The following FARP1 variants were observed in gnomAD, a reference collection of about 807,000 sequenced individuals.
The protein encoded by FARP1 is FERM, ARHGEF and pleckstrin domain-containing protein 1.
FARP1 carries 52 observed loss-of-function variants against 128.8 expected under a neutral mutation model. The observed-to-expected ratio is 0.40, with a 90% confidence interval of 0.32 to 0.51. The LOEUF (loss-of-function observed/expected upper bound fraction) is 0.51, where lower values mean the gene tolerates loss of function less well. FARP1 is among the 20% of genes least tolerant of loss of function. The probability of loss-of-function intolerance (pLI) is 0.45; values close to 1 mark genes in which losing one functional copy is unlikely to be tolerated. For missense variants in FARP1, 1,333 were observed against 1,367.9 expected (o/e 0.97, Z 0.40); for synonymous variants, 580 against 551.8 (o/e 1.05, Z -0.72).
At position 98,241,359 on chromosome 13, in the gene FARP1, TGGGCAA is replaced by T. The variant is rs201321607; in HGVS notation, c.171+27949_171+27954del. Among the ~76,000 whole-genome samples the T allele has an allele frequency of 5.8e-3, 881 of 152,156 alleles. 31 individuals are homozygous for T. The highest frequency in any genetic ancestry group is 0.054 in the Admixed American group (829 of 15,286). ...TCCAGGGGAGTGTGGGGCATTTTGA[TGGGCAA>T]GGCCCTTAAATACGGCATGTTGCAC... is the stretch of plus-strand genomic sequence containing the variant. On this transcript the variant is annotated intron_variant, in intron 2 of 26. Coordinates refer to ENST00000319562, the MANE Select transcript of FARP1 (RefSeq NM_005766.4).
At chr13:98,386,185 T>TC (rs1452107608) in intron 8 of FARP1, among the ~76,000 whole-genome samples, 2 of 132,148 alleles carry the variant, frequency 1.5e-5, no homozygotes, top group South Asian at 5.0e-4. Flanking sequence ...TGTAATGTGA[T>TC]CCTTTTTTTT....
At chr13:98,274,839 C>T (rs1181921055) in intron 2 of FARP1, among the ~76,000 whole-genome samples, 1 of 152,162 alleles carries the variant, frequency 6.6e-6, no homozygotes, top group Non-Finnish European at 1.5e-5. Flanking sequence ...TGAAAACCTC[C>T]TTTAATATGT....
intron 2 of FARP1, among the ~76,000 whole-genome samples, chr13:98,214,893 CT>C (rs1325181055): frequency 3.3e-5 from 5 of 152,178 alleles, no homozygotes; most frequent in Non-Finnish European, 7.3e-5. Context: ...ACCTCACCCA[CT>C]TTTTTGTCTT....
At chr13:98,330,109 T>C (rs558892371) in intron 2 of FARP1, 91 of 152,232 alleles carry the variant, frequency 6.0e-4, no homozygotes, top group Middle Eastern at 3.4e-3. Context: ...GGGGACAGAG[T>C]GTTCCAGCCT....
chr13:98,289,011 GGAT>G (rs1270122358), intron 2 of FARP1, among the ~76,000 whole-genome samples: 1 of 150,498 alleles, frequency 6.6e-6, no homozygotes, highest in Non-Finnish European at 1.5e-5. Context: ...CGACTCAGTG[GGAT>G]GATATTTTCT....
intron 2 of FARP1, among the ~76,000 whole-genome samples, chr13:98,227,086 G>C (rs1815389): frequency 0.29 from 43,785 of 151,770 alleles, 8,424 homozygotes; most frequent in East Asian, 0.74. Context: ...GACTACAGGC[G>C]CCCGCCACCA....
intron 6 of FARP1, chr13:98,384,033 G>A (rs1240569485): frequency 6.6e-6 from 1 of 152,168 alleles, no homozygotes; most frequent in Non-Finnish European, 1.5e-5. Context: ...TCACTTTGAT[G>A]TTTATAAAGT....
At position 98,343,762 on chromosome 13, in the gene FARP1, C is replaced by T; in HGVS notation, c.172C>T (p.Gln58Ter). Reference protein sequence around the residue: ...DDTQEAFEVPQRAPGKVLLDA... With the variant: ...DDTQEAFEVP ...TAACCCCTGTTGTTTCTGCTCACAG[C>T]AAAGAGCTCCTGGGAAGGTGCTGCT... The change falls in exon 3 of 27, where the codon CAA becomes TAA. Residue 58 changes from glutamine to a stop codon, truncating the protein, a stop_gained and splice_region_variant. Coordinates refer to ENST00000319562, the MANE Select transcript of FARP1 (RefSeq NM_005766.4). LOFTEE classifies it high-confidence loss of function. 1.2e-6 allele frequency: 2 copies of T among 1,612,250 alleles called. No homozygotes were observed. Among genetic ancestry groups the T allele is most frequent in the Non-Finnish European group, 1.7e-6 (2 of 1,178,268 alleles).
intron 19 of FARP1, 31 bp downstream of exon 19, chr13:98,435,737 G>T: frequency 6.2e-7 from 1 of 1,610,740 alleles, no homozygotes; most frequent in Non-Finnish European, 8.5e-7. Context: ...TATGCACTGC[G>T]CGGGGAGCAG....
chr13:98,190,618 A>G (rs987065755), intron 1 of FARP1, among the ~76,000 whole-genome samples: 1 of 152,166 alleles, frequency 6.6e-6, no homozygotes, highest in African/African-American at 2.4e-5. Flanking sequence ...GCTGGAGTGC[A>G]GTGGCACAAT....
intron 8 of FARP1, chr13:98,386,019 G>T: frequency 1.8e-6 from 1 of 556,326 alleles, no homozygotes; most frequent in Non-Finnish European, 3.2e-6. Context: ...CCTGTTTGGG[G>T]AATCCACATT....
chr13:98,278,972 C>A (rs1025430848), intron 2 of FARP1, among the ~76,000 whole-genome samples: 4 of 151,530 alleles, frequency 2.6e-5, no homozygotes, highest in Non-Finnish European at 4.4e-5. Context: ...ACTACAGGCA[C>A]CTGCCACCAC....
At chr13:98,228,604 G>A (rs1881928996) in intron 2 of FARP1, among the ~76,000 whole-genome samples, 1 of 152,204 alleles carries the variant, frequency 6.6e-6, no homozygotes, top group Non-Finnish European at 1.5e-5. Flanking sequence ...TCGCCTTACA[G>A]ATCCATCAGA....
Position 98,297,016 on chromosome 13 carries a change from T to C in FARP1, c.172-46746T>C, listed in dbSNP as rs142551445. ...TTTAAATGATTTCAAATGATGGTTT[T>C]TTAATAACAGCAAATGAATATTCAT... On this transcript the variant is annotated intron_variant, in intron 2 of 26. Coordinates refer to ENST00000319562, the MANE Select transcript of FARP1 (RefSeq NM_005766.4). Among the ~76,000 whole-genome samples the C allele has an allele frequency of 4.6e-3, 701 of 152,360 alleles. 1 individual carries two copies. The highest frequency in any genetic ancestry group is 7.9e-3 in the Non-Finnish European group (536 of 68,036).
chr13:98,344,594 C>G (rs1888103210), intron 3 of FARP1, among the ~76,000 whole-genome samples: 2 of 152,072 alleles, frequency 1.3e-5, no homozygotes, highest in South Asian at 4.2e-4. Context: ...AATTTGGATT[C>G]AAGAATCTTG....
chr13:98,425,796 A>T (rs957281466), intron 17 of FARP1, among the ~76,000 whole-genome samples: 6 of 152,256 alleles, frequency 3.9e-5, no homozygotes, highest in Non-Finnish European at 5.9e-5. Context: ...TACCACATTT[A>T]AAAAGTCTGC....
At chr13:98,227,606 A>G (rs1173355579) in intron 2 of FARP1, among the ~76,000 whole-genome samples, 1 of 152,218 alleles carries the variant, frequency 6.6e-6, no homozygotes, top group Non-Finnish European at 1.5e-5. Flanking sequence ...TGTATGATCC[A>G]GCAATCCTCC....
chr13:98,412,171 A>G (rs1463871831), intron 16 of FARP1, 137 bp downstream of exon 16: 12 of 813,238 alleles, frequency 1.5e-5, no homozygotes, highest in Non-Finnish European at 2.0e-5. Flanking sequence ...CAGCCTTCAA[A>G]TGATTTTCAG....
chr13:98,277,688 C>T (rs1884725495), intron 2 of FARP1, among the ~76,000 whole-genome samples: 1 of 152,140 alleles, frequency 6.6e-6, no homozygotes, highest in African/African-American at 2.4e-5. Context: ...GAGTGAGTCT[C>T]AGTTCCCTGG....
Sources: gnomAD v4.1 joint callset for allele counts (sites outside exome capture counted in the v4.1 genomes callset) on GRCh38, gnomAD v4.1.1 for gene constraint, MANE v1.5 for transcripts, NCBI Gene and HGNC (gene_info 2026-07-23, HGNC 2026-07-21) for gene names.